SFMBT2: variants seen among roughly 807,000 people sequenced by gnomAD.
SFMBT2 encodes the protein Scm like with four mbt domains 2.
A neutral mutation model predicts 110.1 loss-of-function variants in SFMBT2; 38 were observed. The observed-to-expected ratio is 0.35, with a 90% CI of 0.27 to 0.45. The LOEUF (loss-of-function observed/expected upper bound fraction) is 0.45. Among genes scored for constraint, SFMBT2 ranks in the 20% least tolerant of loss-of-function variants. SFMBT2 has a pLI of 1.00. For missense variants in SFMBT2, 1,011 were observed against 1,094.9 expected, an observed-to-expected ratio of 0.92 and a Z score of 1.08; for synonymous variants, 425 against 425.4, an observed-to-expected ratio of 1.00 and a Z score of 0.01.
At chr10:7,326,858 C>T (rs1274638174) in intron 4 of SFMBT2, among the ~76,000 whole-genome samples, 1 of 152,200 alleles carries the variant, frequency 6.6e-6, no homozygotes, top group Non-Finnish European at 1.5e-5. Context: ...GCTTCCAAAG[C>T]TGCTCTTAAA....
chr10:7,163,975 A>AGCAG lies in SFMBT2; in HGVS notation c.2545-69_2545-66dup. 1.3e-6 allele frequency: 2 copies of AGCAG among 1,534,822 alleles called. No homozygotes were observed. The highest frequency in any genetic ancestry group is 2.5e-5 in the South Asian group (2 of 79,554). On this transcript the variant is annotated intron_variant, in intron 20 of 20. Transcript: ENST00000397167. The surrounding 1 kb of genome is among the most constrained non-coding windows in gnomAD (Gnocchi z 4.8). Reference sequence around the variant, plus strand: ...GCACTGGGGTACACAGATGCGTCACAGCAGGCTCCAGTCCGGGGCCAAACA... The same window carrying AGCAG: ...GCACTGGGGTACACAGATGCGTCACAGCAGGCAGGCTCCAGTCCGGGGCCAAACA...
At chr10:7,242,018 A>G (rs75049075) in intron 9 of SFMBT2, among the ~76,000 whole-genome samples, 9,661 of 152,288 alleles carry the variant, frequency 0.063, 415 homozygotes, top group Admixed American at 0.089. Flanking sequence ...TCAATGACAC[A>G]GGACCCATTC....
chr10:7,272,409 G>A (rs1162815852), intron 7 of SFMBT2, among the ~76,000 whole-genome samples: 1 of 152,206 alleles, frequency 6.6e-6, no homozygotes, highest in African/African-American at 2.4e-5. Context: ...CCAACACAGT[G>A]GCTCCTACAG....
Position 7,161,686 on chromosome 10 carries a change from A to G in SFMBT2, c.*2084T>C, listed in dbSNP as rs929855382. The G allele has an allele frequency of 1.3e-5, 2 of 152,210 alleles. No individual in the cohort carries two copies. Among genetic ancestry groups the G allele is most frequent in the Non-Finnish European group, 2.9e-5 (2 of 68,046 alleles). The allele number at this position is 152,210 out of a possible 1,614,324, so 9.4% of individuals were successfully genotyped here. A position where few individuals can be genotyped will look rare whatever the true frequency, so the allele number is the denominator to read the frequency against. ...TGCATCAGCCGAACTCTAAAACTTG[A>G]TTCTAGAAATCGACTGCAGGGGAGA... On this transcript the variant is annotated 3_prime_UTR_variant, in exon 21 of 21. Transcript: ENST00000397167.
At chr10:7,311,434 T>C (rs918594604) in intron 4 of SFMBT2, among the ~76,000 whole-genome samples, 11 of 152,200 alleles carry the variant, frequency 7.2e-5, no homozygotes, top group African/African-American at 2.7e-4. Context: ...CTGCTAAGAA[T>C]GTAAAGTGAT....
At chr10:7,318,248 C>T (rs1843072540) in intron 4 of SFMBT2, among the ~76,000 whole-genome samples, 1 of 152,228 alleles carries the variant, frequency 6.6e-6, no homozygotes, top group South Asian at 2.1e-4. Flanking sequence ...GGTTTCACAA[C>T]CTTTTTTTCT....
At chr10:7,381,511 C>T (rs1845420761) in intron 2 of SFMBT2, among the ~76,000 whole-genome samples, 1 of 152,166 alleles carries the variant, frequency 6.6e-6, no homozygotes, top group African/African-American at 2.4e-5. Flanking sequence ...GGATGGTGCA[C>T]AACGACTCCA....
chr10:7,169,152 G>A (rs973114554), intron 20 of SFMBT2, among the ~76,000 whole-genome samples: 4 of 151,812 alleles, frequency 2.6e-5, no homozygotes, highest in African/African-American at 9.7e-5. Context: ...CTTCAGTAGA[G>A]ACAGGGTTTT....
chr10:7,269,559 C>T (rs921048962), intron 7 of SFMBT2, among the ~76,000 whole-genome samples: 1 of 152,190 alleles, frequency 6.6e-6, no homozygotes. Flanking sequence ...AACGCTATGG[C>T]AATTTTCCAT....
intron 6 of SFMBT2, among the ~76,000 whole-genome samples, chr10:7,282,840 A>G (rs139421298): frequency 1.3e-5 from 2 of 151,616 alleles, no homozygotes; most frequent in East Asian, 3.9e-4. Context: ...CCATGTCCTT[A>G]TTCCAAATAC....
At position 7,170,312 on chromosome 10, in the gene SFMBT2, C is replaced by T. The variant is rs1031455219; in HGVS notation, c.2544+616G>A. Among the ~76,000 whole-genome samples, 1 of 152,218 alleles carries T rather than the reference C, an allele frequency of 6.6e-6. No individual in the cohort carries two copies. Among genetic ancestry groups the T allele is most frequent in the Non-Finnish European group, 1.5e-5 (1 of 68,026 alleles). On this transcript the variant is annotated intron_variant, in intron 20 of 20. Transcript: ENST00000397167. This position sits in a 1 kb window ranked among gnomAD's most constrained non-coding sequence, Gnocchi z 4.6. ...CACTGACAGGAGGCTCAACCAAAAC[C>T]AGTTCTCTCCAGACAAAGGCCTGGC...
rs1436964702 is a variant in SFMBT2 at position 7,159,680 on chromosome 10, G to T, written c.*4090C>A. 2 of 152,168 alleles carry T rather than the reference G, an allele frequency of 1.3e-5. No homozygotes were observed. The highest frequency in any genetic ancestry group is 4.8e-5 in the African/African-American group (2 of 41,444). The allele number at this position is 152,168 out of a possible 1,614,324, so 9.4% of individuals were successfully genotyped here. A position where few individuals can be genotyped will look rare whatever the true frequency, so the allele number is the denominator to read the frequency against. ...AGCTTTCTAAAGACAGAAGAGAGAG[G>T]AAGTGAAGCCTTGATTCGCCATCTC... On this transcript the variant is annotated 3_prime_UTR_variant, in exon 21 of 21. Transcript: ENST00000397167.
chr10:7,228,744 CTCTCT>C (rs1564395471), intron 9 of SFMBT2, among the ~76,000 whole-genome samples: 31 of 72,812 alleles, frequency 4.3e-4, no homozygotes, highest in African/African-American at 1.7e-3. Flanking sequence ...TCCTTTCTCT[CTCTCT>C]CTCTCTCTCT....
chr10:7,167,116 T>C (rs892457979), intron 20 of SFMBT2, among the ~76,000 whole-genome samples: 1 of 152,158 alleles, frequency 6.6e-6, no homozygotes, highest in African/African-American at 2.4e-5. Context: ...TAGTTCCTAA[T>C]GGAGGTATTG....
chr10:7,332,849 G>A (rs1323844957), intron 4 of SFMBT2, among the ~76,000 whole-genome samples: 1 of 152,152 alleles, frequency 6.6e-6, no homozygotes, highest in East Asian at 1.9e-4. Flanking sequence ...TACACAGTGA[G>A]TCTAATGGAG....
chr10:7,386,977 C>A (rs7097814), intron 1 of SFMBT2, among the ~76,000 whole-genome samples: 7,722 of 152,244 alleles, frequency 0.051, 205 homozygotes, highest in South Asian at 0.061. Context: ...CCAGAAACCA[C>A]GCCCTAACCA....
intron 4 of SFMBT2, among the ~76,000 whole-genome samples, chr10:7,291,470 C>G (rs1384247521): frequency 6.6e-6 from 1 of 152,062 alleles, no homozygotes; most frequent in African/African-American, 2.4e-5. Context: ...ACAAGATGAC[C>G]TTTTCAAAAC....
At chr10:7,280,908 T>C (rs546369555) in intron 6 of SFMBT2, among the ~76,000 whole-genome samples, 1 of 152,330 alleles carries the variant, frequency 6.6e-6, no homozygotes, top group South Asian at 2.1e-4. Flanking sequence ...ATTTCTCTTC[T>C]ATTTTGCTGA....
At chr10:7,198,774 C>T (rs1262714955) in intron 14 of SFMBT2, among the ~76,000 whole-genome samples, 1 of 152,008 alleles carries the variant, frequency 6.6e-6, no homozygotes, top group Admixed American at 6.6e-5. Context: ...CAGGTGGTGG[C>T]TCATGCCTAT....
Sources: allele counts gnomAD v4.1 joint callset (sites outside exome capture counted in the v4.1 genomes callset), GRCh38; gene constraint gnomAD v4.1.1; non-coding constraint Gnocchi (gnomAD v3.1); transcripts MANE v1.5; gene names NCBI Gene and HGNC (gene_info 2026-07-23, HGNC 2026-07-21).